SLC35F3: variants seen among roughly 807,000 people sequenced by gnomAD.
SLC35F3 encodes putative thiamine transporter SLC35F3.
In SLC35F3, 25 loss-of-function variants were observed where a neutral mutation model predicts 49.9. The observed-to-expected ratio is 0.50, with a 90% CI of 0.37 to 0.70. The LOEUF (loss-of-function observed/expected upper bound fraction) is 0.70, where lower values mean the gene tolerates loss of function less well. SLC35F3 is among the 30% of genes least tolerant of loss of function. The pLI is 0.00. For synonymous variants in SLC35F3, 275 were observed against 265.4 expected, an observed-to-expected ratio of 1.04 and a Z score of -0.35; for missense variants, 525 against 639.8, an observed-to-expected ratio of 0.82 and a Z score of 1.94.
chr1:234,308,966 T>A, intron 3 of SLC35F3, 135 bp from the exon 4 acceptor site: 1 of 650,102 alleles, frequency 1.5e-6, no homozygotes, highest in Admixed American at 3.0e-5. Context: ...TAGAAAGATG[T>A]TTATTAAAAA....
intron 2 of SLC35F3, among the ~76,000 whole-genome samples, chr1:234,117,772 G>A (rs1665510823): frequency 1.3e-5 from 2 of 151,042 alleles, no homozygotes; most frequent in African/African-American, 4.9e-5. Context: ...TGTAATCCCA[G>A]CTACTCAGGA....
chr1:233,937,646 G>A (rs1398785647), intron 2 of SLC35F3, among the ~76,000 whole-genome samples: 3 of 152,216 alleles, frequency 2.0e-5, no homozygotes, highest in Non-Finnish European at 4.4e-5. Context: ...ATTTGAAAAA[G>A]GGAAGTGATG....
chr1:234,255,896 A>G (rs1667814701), intron 3 of SLC35F3, among the ~76,000 whole-genome samples: 1 of 152,092 alleles, frequency 6.6e-6, no homozygotes, highest in South Asian at 2.1e-4. Context: ...CAAACCAAAA[A>G]CCCTACAAAT....
chr1:233,968,857 T>C (rs4920271), intron 2 of SLC35F3, among the ~76,000 whole-genome samples: 151,120 of 152,264 alleles, frequency 0.99, 75,006 homozygotes, highest in Middle Eastern at 1. Flanking sequence ...CTATTATTCC[T>C]GTCTTTATGA....
chr1:234,027,884 G>A lies in SLC35F3; in HGVS notation c.283+122126G>A, dbSNP rs555289128. On this transcript the variant is annotated intron_variant, in intron 2 of 7. Transcript: ENST00000366618. The surrounding 1 kb of genome is among the most constrained non-coding windows in gnomAD (Gnocchi z 4.1). ...TAAAGGAATAAGCCCGTGTAAAAGC[G>A]AGGTAATTTCAGCTGGTGATAGCAA... Among the ~76,000 whole-genome samples the A allele has an allele frequency of 6.6e-6, 1 of 152,258 alleles. No homozygotes were observed. Among genetic ancestry groups the A allele is most frequent in the East Asian group, 1.9e-4 (1 of 5,186 alleles).
intron 2 of SLC35F3, among the ~76,000 whole-genome samples, chr1:233,981,870 G>A (rs955032710): frequency 3.3e-5 from 5 of 152,250 alleles, no homozygotes; most frequent in East Asian, 1.9e-4. Context: ...TAGTAGGTAC[G>A]TAATAATATC....
intron 2 of SLC35F3, among the ~76,000 whole-genome samples, chr1:234,109,579 A>G (rs1665374373): frequency 6.6e-6 from 1 of 152,144 alleles, no homozygotes; most frequent in Admixed American, 6.6e-5. Context: ...GGTTGCTAGC[A>G]CCTTTATTTA....
chr1:234,001,217 T>C (rs1663549306), intron 2 of SLC35F3, among the ~76,000 whole-genome samples: 1 of 152,222 alleles, frequency 6.6e-6, no homozygotes, highest in South Asian at 2.1e-4. Flanking sequence ...GATTTTGTCA[T>C]GCTTTATGAC....
chr1:234,323,610 A>G lies in SLC35F3; in HGVS notation c.*367A>G. ...TTAGCAACTGAACATGACATTGCAC[A>G]CTGTGATTATTTTTCAGCTATGGTA... On this transcript the variant is annotated 3_prime_UTR_variant, in exon 8 of 8. Coordinates refer to ENST00000366618, the MANE Select transcript of SLC35F3 (RefSeq NM_173508.4). This position sits in a 1 kb window ranked among gnomAD's most constrained non-coding sequence, Gnocchi z 4.5. 4.4e-6 allele frequency: 1 copy of G among 228,178 alleles called. No individual in the cohort carries two copies. Among genetic ancestry groups the G allele is most frequent in the Non-Finnish European group, 8.6e-6 (1 of 115,714 alleles). 14.1% of individuals were successfully genotyped at this position (228,178 alleles called of 1,614,324 possible). A position where few individuals can be genotyped will look rare whatever the true frequency, so the allele number is the denominator to read the frequency against.
intron 2 of SLC35F3, among the ~76,000 whole-genome samples, chr1:234,225,761 C>G (rs1039627628): frequency 2.6e-5 from 4 of 152,140 alleles, no homozygotes; most frequent in African/African-American, 4.8e-5. Context: ...CACAGCAGCC[C>G]CAAACTGAAA....
intron 3 of SLC35F3, among the ~76,000 whole-genome samples, chr1:234,295,019 G>A (rs1668570184): frequency 6.6e-6 from 1 of 152,250 alleles, no homozygotes; most frequent in South Asian, 2.1e-4. Flanking sequence ...GGGGCCTGAG[G>A]CAGAAACTGA....
At chr1:234,275,759 A>AT (rs1553260451) in intron 3 of SLC35F3, among the ~76,000 whole-genome samples, 147 of 137,052 alleles carry the variant, frequency 1.1e-3, no homozygotes, top group African/African-American at 4.0e-3. Context: ...ATTGAAAAAA[A>AT]AAAAATATAT....
intron 2 of SLC35F3, among the ~76,000 whole-genome samples, chr1:234,121,457 G>A (rs1027175723): frequency 6.6e-6 from 1 of 152,062 alleles, no homozygotes; most frequent in Non-Finnish European, 1.5e-5. Context: ...CTTTCTTAAT[G>A]CAGAGTAAAT....
Position 234,035,579 on chromosome 1 carries a change from G to A in SLC35F3, c.283+129821G>A, listed in dbSNP as rs926486247. On this transcript the variant is annotated intron_variant, in intron 2 of 7. Coordinates refer to ENST00000366618, the MANE Select transcript of SLC35F3 (RefSeq NM_173508.4). ...CTCTCTTTTCTAAACTGTGTATTACGTTCATGCTGAGTTTCATGACCTGGC... is the reference window on the plus strand; with the variant it reads ...CTCTCTTTTCTAAACTGTGTATTACATTCATGCTGAGTTTCATGACCTGGC... Among the ~76,000 whole-genome samples the A allele has an allele frequency of 5.9e-5, 9 of 152,014 alleles. No individual in the cohort carries two copies. The East Asian group carries it at 1.4e-3, about 23-fold the overall frequency.
At chr1:234,195,035 A>G (rs1666787054) in intron 2 of SLC35F3, among the ~76,000 whole-genome samples, 1 of 152,152 alleles carries the variant, frequency 6.6e-6, no homozygotes, top group African/African-American at 2.4e-5. Flanking sequence ...CTTCTTTCTG[A>G]GCAGGGCACA....
intron 2 of SLC35F3, among the ~76,000 whole-genome samples, chr1:234,207,303 T>C (rs1473714570): frequency 1.1e-5 from 1 of 91,684 alleles, no homozygotes; most frequent in Non-Finnish European, 2.3e-5. Context: ...AAGGAACATC[T>C]GGAATAAAGC....
chr1:234,224,052 T>TTTTGTTTG (rs57014018), intron 2 of SLC35F3, among the ~76,000 whole-genome samples: 231 of 150,398 alleles, frequency 1.5e-3, no homozygotes, highest in South Asian at 7.4e-3. Context: ...TTTTTCGGTT[T>TTTTGTTTG]TTTGTTTGTT....
intron 2 of SLC35F3, among the ~76,000 whole-genome samples, chr1:234,028,506 A>G (rs1341510617): frequency 1.3e-5 from 2 of 152,186 alleles, no homozygotes; most frequent in Admixed American, 6.5e-5. Flanking sequence ...ACTGGGTGAA[A>G]GAGGATGTTT....
At chr1:233,995,868 T>G (rs573091333) in intron 2 of SLC35F3, among the ~76,000 whole-genome samples, 1 of 152,302 alleles carries the variant, frequency 6.6e-6, no homozygotes, top group Admixed American at 6.5e-5. Context: ...TGCAGCCTCT[T>G]GGTTAACCCC....
Sources: gnomAD v4.1 joint callset for allele counts (sites outside exome capture counted in the v4.1 genomes callset) on GRCh38, gnomAD v4.1.1 for gene constraint, Gnocchi (gnomAD v3.1) non-coding constraint, MANE v1.5 for transcripts, NCBI Gene and HGNC (gene_info 2026-07-23, HGNC 2026-07-21) for gene names.